The following ZNF469 variants were observed in gnomAD, a reference collection of about 807,000 sequenced individuals.
ZNF469 encodes zinc finger protein 469.
A neutral mutation model predicts 1.0 loss-of-function variants in ZNF469; 1 was observed. The ratio of observed to expected loss-of-function variants is 1.00; its 90% confidence interval spans 0.35 to 4.73. ZNF469 has a LOEUF of 4.73. ZNF469 is among the 30% of genes most tolerant of loss of function. The probability of loss-of-function intolerance (pLI) is 0.16; values close to 1 mark genes in which losing one functional copy is unlikely to be tolerated. For missense variants in ZNF469, 6,100 were observed against 5,356.3 expected (o/e 1.14, Z -4.33); for synonymous variants, 2,703 against 2,363.4 (o/e 1.14, Z -4.17).
chr16:88,261,616 C>T, the ZNF469 span, among the ~76,000 whole-genome samples: 1 of 152,156 alleles, frequency 6.6e-6, no homozygotes, highest in Non-Finnish European at 1.5e-5. This position sits in a 1 kb window ranked among gnomAD's most constrained non-coding sequence, Gnocchi z 6.0. Flanking sequence ...GATTGAGAAC[C>T]TGGAGAAGTG....
the ZNF469 span, among the ~76,000 whole-genome samples, chr16:88,347,023 A>G: frequency 6.6e-6 from 1 of 152,206 alleles, no homozygotes; most frequent in East Asian, 1.9e-4. Flanking sequence ...TCTGGGGGGA[A>G]GTAAGATAAA....
chr16:88,197,060 G>A, the ZNF469 span, among the ~76,000 whole-genome samples: 5 of 152,230 alleles, frequency 3.3e-5, no homozygotes, highest in South Asian at 2.1e-4. Context: ...GTCACTGACC[G>A]TTTTCAGGGA....
Position 88,439,311 on chromosome 16 carries a change from A to T in ZNF469, c.11841A>T (p.Leu3947Phe). The change falls in exon 3 of 3, where the codon TTA becomes TTT. Residue 3947 changes from leucine to phenylalanine, a missense_variant. Coordinates refer to ENST00000565624, the MANE Select transcript of ZNF469 (RefSeq NM_001367624.2). ...GACTAACTGGCTTCAAAATCCCTTT[A>T]AAGAAAGATGCTTCCGAGTAATTTC... ...GQRLTGFKIPLKKDASE is the reference protein window; with the variant it reads ...GQRLTGFKIPFKKDASE 6.5e-7 allele frequency: 1 copy of T among 1,550,376 alleles called. No homozygotes were observed. Among genetic ancestry groups the T allele is most frequent in the Non-Finnish European group, 8.7e-7 (1 of 1,146,988 alleles).
chr16:88,434,365 G>A lies in ZNF469; in HGVS notation c.6895G>A (p.Ala2299Thr). ...CACTCCCACCGGAGATGAGGCACAG[G>A]CAGGCAGGGGACTCCCAGGGCCAGA... ...SSTPTGDEAQ[A>T]GRGLPGPDPQ... is the part of the protein sequence containing the mutation. The change falls in exon 3 of 3, where the codon GCA (alanine) becomes ACA (threonine). Residue 2299 changes from alanine (A) to threonine (T), a missense_variant. Coordinates refer to ENST00000565624, the MANE Select transcript of ZNF469 (RefSeq NM_001367624.2). The A allele has an allele frequency of 1.9e-6, 3 of 1,550,062 alleles. No homozygotes were observed. Among genetic ancestry groups the A allele is most frequent in the Non-Finnish European group, 2.6e-6 (3 of 1,146,958 alleles).
chr16:88,423,649 G>C (rs902508714), intron 1 of ZNF469, among the ~76,000 whole-genome samples: 14 of 152,322 alleles, frequency 9.2e-5, no homozygotes, highest in African/African-American at 3.4e-4. Context: ...TGTCAGCAGG[G>C]GCTGCAGCAT....
chr16:88,227,714 T>C, the ZNF469 span, among the ~76,000 whole-genome samples: 1 of 152,144 alleles, frequency 6.6e-6, no homozygotes, highest in Non-Finnish European at 1.5e-5. Context: ...CCAACAATGA[T>C]GGAGACGTTG....
chr16:88,221,440 C>T, the ZNF469 span, among the ~76,000 whole-genome samples: 5 of 152,328 alleles, frequency 3.3e-5, no homozygotes, highest in African/African-American at 4.8e-5. Context: ...GGCAGCTCCC[C>T]GAGGAGGTTG....
chr16:88,220,007 C>G, the ZNF469 span, among the ~76,000 whole-genome samples: 1 of 152,240 alleles, frequency 6.6e-6, no homozygotes, highest in East Asian at 1.9e-4. Context: ...TGCTCACCTT[C>G]CTGGTTCTCC....
At chr16:88,387,972 C>T (rs1461543380) in intron 1 of ZNF469, among the ~76,000 whole-genome samples, 2 of 152,274 alleles carry the variant, frequency 1.3e-5, no homozygotes, top group Non-Finnish European at 2.9e-5. Flanking sequence ...CTTCACCCAG[C>T]CCTCCCAGCC....
chr16:88,119,374 C>T, the ZNF469 span, among the ~76,000 whole-genome samples: 1 of 152,212 alleles, frequency 6.6e-6, no homozygotes, highest in African/African-American at 2.4e-5. Flanking sequence ...GCCTGTGGTG[C>T]ACGTGCGGGG....
chr16:88,397,043 A>AAGGGAGGCCGGGCGG (rs1445261995), intron 1 of ZNF469, among the ~76,000 whole-genome samples: 1 of 151,424 alleles, frequency 6.6e-6, no homozygotes, highest in Non-Finnish European at 1.5e-5. Context: ...GACCCTCATG[A>AAGGGAGGCCGGGCGG]AGACAGGCCG....
intron 1 of ZNF469, among the ~76,000 whole-genome samples, chr16:88,385,359 AGCCGGGGATGGTG>A (rs1243577979): frequency 2.0e-5 from 3 of 152,074 alleles, no homozygotes; most frequent in Non-Finnish European, 4.4e-5. Context: ...TTCAGTTACC[AGCCGGGGATGGTG>A]GCTGTGTAAT....
At chr16:88,105,261 A>C in the ZNF469 span, among the ~76,000 whole-genome samples, 671 of 151,646 alleles carry the variant, frequency 4.4e-3, 4 homozygotes, top group African/African-American at 0.015. Flanking sequence ...AACACTATAA[A>C]GGCCTCTATA....
intron 1 of ZNF469, among the ~76,000 whole-genome samples, chr16:88,404,982 G>A (rs1453086704): frequency 1.3e-5 from 2 of 152,194 alleles, no homozygotes; most frequent in African/African-American, 4.8e-5. Flanking sequence ...AGGCATAGCT[G>A]GATCCAGGTA....
chr16:88,311,259 T>C, the ZNF469 span, among the ~76,000 whole-genome samples: 1 of 152,186 alleles, frequency 6.6e-6, no homozygotes, highest in Non-Finnish European at 1.5e-5. Flanking sequence ...CAGGGGACAT[T>C]GACCTTGGCC....
chr16:88,319,281 T>C, the ZNF469 span, among the ~76,000 whole-genome samples: 1 of 152,150 alleles, frequency 6.6e-6, no homozygotes, highest in South Asian at 2.1e-4. Flanking sequence ...CTTTCTGAGG[T>C]TCTTCCTCAC....
chr16:88,411,913 C>T (rs1048643330), intron 1 of ZNF469, among the ~76,000 whole-genome samples: 2 of 4,358 alleles, frequency 4.6e-4, no homozygotes, highest in African/African-American at 3.0e-3. Flanking sequence ...ACCAGCCTGC[C>T]CTGCCTTCCC....
At chr16:88,379,296 T>C (rs1341459317), upstream of ZNF469, among the ~76,000 whole-genome samples, 3 of 152,116 alleles carry the variant, frequency 2.0e-5, no homozygotes, top group Non-Finnish European at 2.9e-5. Flanking sequence ...AGCAGCCTGC[T>C]GGGCCAGTTT....
chr16:88,391,139 G>T (rs914706390), intron 1 of ZNF469, among the ~76,000 whole-genome samples: 1 of 152,262 alleles, frequency 6.6e-6, no homozygotes, highest in African/African-American at 2.4e-5. Context: ...GGAGACTGTG[G>T]CCAAGTCCCC....
Sources: allele counts gnomAD v4.1 joint callset (sites outside exome capture counted in the v4.1 genomes callset), GRCh38; gene constraint gnomAD v4.1.1; non-coding constraint Gnocchi (gnomAD v3.1); transcripts MANE v1.5; gene names NCBI Gene and HGNC (gene_info 2026-07-23, HGNC 2026-07-21).